The following PRLR variants were observed in gnomAD, a reference collection of about 807,000 sequenced individuals.
PRLR encodes prolactin receptor.
A neutral mutation model predicts 40.2 loss-of-function variants in PRLR; 13 were observed. The ratio of observed to expected loss-of-function variants is 0.32; its 90% CI spans 0.21 to 0.51. The LOEUF (loss-of-function observed/expected upper bound fraction) is 0.51. Among genes scored for constraint, PRLR ranks in the 20% least tolerant of loss-of-function variants. The pLI, the probability that PRLR is intolerant of heterozygous loss-of-function variation, is 0.97. For missense variants in PRLR, 656 were observed against 747.3 expected (o/e 0.88, Z 1.42); for synonymous variants, 269 against 278.7 (o/e 0.97, Z 0.35).
chr5:35,104,072 G>A (rs189948369), intron 2 of PRLR, among the ~76,000 whole-genome samples: 1 of 152,250 alleles, frequency 6.6e-6, no homozygotes, highest in Non-Finnish European at 1.5e-5. Context: ...CAGTTCAAAA[G>A]AGGGGTTCCC....
intron 1 of PRLR, among the ~76,000 whole-genome samples, chr5:35,148,619 G>A (rs1324628964): frequency 6.6e-6 from 1 of 152,152 alleles, no homozygotes; most frequent in Admixed American, 6.5e-5. Flanking sequence ...GCGTTTACCT[G>A]ATACGATTGT....
chr5:35,049,768 CTAAT>C lies in PRLR; in HGVS notation c.1010-364_1010-361del, dbSNP rs1438921843. On this transcript the variant is annotated intron_variant, in intron 8 of 8. Coordinates refer to the PRLR transcript ENST00000231423. ...AGGACAGAGAATTTTCTGTACTTGA[CTAAT>C]TATTTTTTTCTTCAGATAAGTTCCT... Among the ~76,000 whole-genome samples, 15 of 152,188 alleles carry C rather than the reference CTAAT, an allele frequency of 9.9e-5. No individual in the cohort carries two copies. In the East Asian group the frequency reaches 2.5e-3, roughly 26 times the overall value.
chr5:35,144,434 T>C (rs1263619019), intron 1 of PRLR, among the ~76,000 whole-genome samples: 1 of 151,796 alleles, frequency 6.6e-6, no homozygotes, highest in East Asian at 1.9e-4. Flanking sequence ...AATTTTTAAG[T>C]AATTTTTTAT....
At chr5:35,150,986 A>T (rs1774326860) in intron 1 of PRLR, among the ~76,000 whole-genome samples, 1 of 152,242 alleles carries the variant, frequency 6.6e-6, no homozygotes, top group African/African-American at 2.4e-5. Context: ...GAAGGAATGA[A>T]TAAAATGATT....
chr5:35,174,356 C>G (rs1775086291), intron 1 of PRLR, among the ~76,000 whole-genome samples: 1 of 152,214 alleles, frequency 6.6e-6, no homozygotes, highest in Admixed American at 6.5e-5. Flanking sequence ...TCCCAAAGTG[C>G]TAGGATTACA....
chr5:35,066,022 C>T lies in PRLR; in HGVS notation c.936G>A (p.Val312=). 1.2e-6 allele frequency: 2 copies of T among 1,614,158 alleles called. No individual in the cohort carries two copies. The highest frequency in any genetic ancestry group is 1.7e-6 in the Non-Finnish European group (2 of 1,180,004). ...PPTSDYEDLL[V]EYLEVDDSED... is the part of the protein sequence containing the mutation. ...CACTATCATCTACTTCTAAATACTC[C>T]ACCAGCAAGTCCTCATAGTCAGAAG... The change falls in exon 10 of 10, where the codon GTG becomes GTA. Residue 312 remains valine, a synonymous_variant. Transcript: ENST00000618457.
chr5:35,084,850 C>T (rs993722120), intron 4 of PRLR, among the ~76,000 whole-genome samples: 2 of 152,096 alleles, frequency 1.3e-5, no homozygotes, highest in Non-Finnish European at 2.9e-5. Context: ...ATTTTAGGGC[C>T]TCAAGTATTC....
rs1434376611 is a variant in PRLR at position 35,061,539 on chromosome 5, T to C, written c.*3550A>G. The C allele has an allele frequency of 6.6e-6, 1 of 152,234 alleles. No individual in the cohort carries two copies. Among genetic ancestry groups the C allele is most frequent in the African/African-American group, 2.4e-5 (1 of 41,464 alleles). The allele number at this position is 152,234 out of a possible 1,614,324, so 9.4% of individuals were successfully genotyped here. Reference sequence around the variant, plus strand: ...AGTGAGTCTTTTGTACTTAAGTGACTACCAGGATTGGTCTTAGGCACTTAG... The same window carrying C: ...AGTGAGTCTTTTGTACTTAAGTGACCACCAGGATTGGTCTTAGGCACTTAG... On this transcript the variant is annotated 3_prime_UTR_variant, in exon 10 of 10. Transcript: ENST00000618457.
At chr5:35,202,287 C>A (rs1262064615) in intron 1 of PRLR, among the ~76,000 whole-genome samples, 3 of 152,180 alleles carry the variant, frequency 2.0e-5, no homozygotes, top group Non-Finnish European at 2.9e-5. Context: ...AGTCAAGAGA[C>A]CTGAGTCAAG....
chr5:35,206,729 G>A (rs993266917), intron 1 of PRLR, among the ~76,000 whole-genome samples: 8 of 151,828 alleles, frequency 5.3e-5, no homozygotes, highest in Admixed American at 6.6e-5. Context: ...GAAGGGTGAC[G>A]AGCTTCTCAA....
At chr5:35,126,182 A>T (rs1773458206) in intron 1 of PRLR, among the ~76,000 whole-genome samples, 1 of 152,188 alleles carries the variant, frequency 6.6e-6, no homozygotes, top group Non-Finnish European at 1.5e-5. Flanking sequence ...TAAGTTGAGA[A>T]CTGAAATATT....
At chr5:35,214,405 C>T (rs1184326504) in intron 1 of PRLR, among the ~76,000 whole-genome samples, 6 of 152,168 alleles carry the variant, frequency 3.9e-5, no homozygotes, top group African/African-American at 9.7e-5. Flanking sequence ...CCATGTGTTA[C>T]GCACTGCTCG....
intron 2 of PRLR, among the ~76,000 whole-genome samples, chr5:35,099,342 C>G (rs1286132804): frequency 1.3e-5 from 2 of 152,188 alleles, no homozygotes; most frequent in African/African-American, 4.8e-5. Context: ...CAGGGCCATT[C>G]TAACATCGTA....
intron 1 of PRLR, among the ~76,000 whole-genome samples, chr5:35,182,046 T>C (rs1429065556): frequency 6.6e-6 from 1 of 152,184 alleles, no homozygotes; most frequent in Non-Finnish European, 1.5e-5. Flanking sequence ...ACTAACATGT[T>C]GGTCCACGGT....
intron 6 of PRLR, among the ~76,000 whole-genome samples, chr5:35,071,768 T>C (rs535955793): frequency 6.6e-6 from 1 of 152,200 alleles, no homozygotes; most frequent in East Asian, 1.9e-4. Flanking sequence ...TGGCTAAGTT[T>C]TTTGTATCTT....
intron 2 of PRLR, among the ~76,000 whole-genome samples, chr5:35,104,491 C>G (rs545804494): frequency 6.6e-6 from 1 of 152,222 alleles, no homozygotes; most frequent in Non-Finnish European, 1.5e-5. Flanking sequence ...CCGTGACAGA[C>G]AGTACCTGGA....
At chr5:35,228,960 T>G (rs1309633868) in intron 1 of PRLR, among the ~76,000 whole-genome samples, 3 of 152,090 alleles carry the variant, frequency 2.0e-5, no homozygotes, top group African/African-American at 7.2e-5. Context: ...TTTATGTACA[T>G]GCCATATGCA....
At chr5:35,136,144 A>C (rs570539713) in intron 1 of PRLR, among the ~76,000 whole-genome samples, 1 of 152,322 alleles carries the variant, frequency 6.6e-6, no homozygotes, top group South Asian at 2.1e-4. Flanking sequence ...ATTTGATGAA[A>C]GCTCCCTTCC....
At chr5:35,143,063 A>T (rs1281206801) in intron 1 of PRLR, among the ~76,000 whole-genome samples, 1 of 152,212 alleles carries the variant, frequency 6.6e-6, no homozygotes, top group East Asian at 1.9e-4. Context: ...GTTGATATGA[A>T]CTTACAAGTC....
Sources: allele counts gnomAD v4.1 joint callset (sites outside exome capture counted in the v4.1 genomes callset), GRCh38; gene constraint gnomAD v4.1.1; transcripts MANE v1.5; gene names NCBI Gene and HGNC (gene_info 2026-07-23, HGNC 2026-07-21).